Variants in LMTK2 observed in about 807,000 individuals in gnomAD.
LMTK2 encodes serine/threonine-protein kinase LMTK2.
LMTK2 carries 37 observed loss-of-function variants against 127.5 expected under a neutral mutation model. That is an observed-to-expected ratio of 0.29 (90% CI 0.22 to 0.38). The LOEUF (loss-of-function observed/expected upper bound fraction) is 0.38. LMTK2 is among the 10% of genes least tolerant of loss of function. LMTK2 has a pLI of 1.00. For synonymous variants in LMTK2, 819 were observed against 810.1 expected, an observed-to-expected ratio of 1.01 and a Z score of -0.19; for missense variants, 1,694 against 1,920.3, an observed-to-expected ratio of 0.88 and a Z score of 2.20.
chr7:98,130,088 G>A (rs1453264637), intron 1 of LMTK2, among the ~76,000 whole-genome samples: 2 of 152,092 alleles, frequency 1.3e-5, no homozygotes, highest in Non-Finnish European at 2.9e-5. Context: ...TCATGTTAGC[G>A]TCTCTGGGTG....
At chr7:98,139,195 T>C (rs750568195) in intron 2 of LMTK2, among the ~76,000 whole-genome samples, 3 of 152,136 alleles carry the variant, frequency 2.0e-5, no homozygotes, top group Non-Finnish European at 2.9e-5. Context: ...CACTACAGCC[T>C]CAACCTCCCA....
intron 6 of LMTK2, among the ~76,000 whole-genome samples, chr7:98,166,255 C>T (rs1202879689): frequency 1.3e-5 from 2 of 152,232 alleles, no homozygotes; most frequent in African/African-American, 2.4e-5. Context: ...GACAGGTCAT[C>T]GCTGCTTATA....
intron 7 of LMTK2, among the ~76,000 whole-genome samples, chr7:98,179,289 A>G (rs1379235865): frequency 6.6e-6 from 1 of 152,232 alleles, no homozygotes; most frequent in Non-Finnish European, 1.5e-5. Context: ...CCTGAGCTCG[A>G]CATCGCCCAA....
At chr7:98,122,114 C>A (rs561980950) in intron 1 of LMTK2, among the ~76,000 whole-genome samples, 1 of 152,272 alleles carries the variant, frequency 6.6e-6, no homozygotes, top group South Asian at 2.1e-4. Flanking sequence ...GAAGTGTAAT[C>A]ATAAACTTGT....
intron 11 of LMTK2, among the ~76,000 whole-genome samples, chr7:98,196,681 CTT>C (rs1797626995): frequency 6.6e-6 from 1 of 152,130 alleles, no homozygotes; most frequent in East Asian, 1.9e-4. Flanking sequence ...TTGCACAAGT[CTT>C]TGTGGAGGAT....
At position 98,193,692 on chromosome 7, in the gene LMTK2, C is replaced by G; in HGVS notation, c.3227C>G (p.Ser1076Ter). Reference protein sequence around the residue: ...GLPPNPVIVISDAGDGHRGTE... With the variant: ...GLPPNPVIVI ...CCTCCCAACCCGGTCATTGTCATCT[C>G]AGATGCCGGCGATGGTCACAGAGGC... The change falls in exon 11 of 14, where the codon TCA becomes TGA. Residue 1076 changes from serine (S) to a stop codon, truncating the protein, a stop_gained. Transcript: ENST00000297293. LOFTEE classifies it high-confidence loss of function. The surrounding 1 kb of genome is among the most constrained non-coding windows in gnomAD (Gnocchi z 4.1). 6.2e-7 allele frequency: 1 copy of G among 1,613,878 alleles called. No individual in the cohort carries two copies. The highest frequency in any genetic ancestry group is 8.5e-7 in the Non-Finnish European group (1 of 1,179,998).
At chr7:98,178,004 G>A (rs10250231) in intron 7 of LMTK2, among the ~76,000 whole-genome samples, 9,125 of 152,204 alleles carry the variant, frequency 0.06, 670 homozygotes, top group East Asian at 0.36. Context: ...ACGAGCAGAG[G>A]GAGGCTTTGG....
At chr7:98,180,115 G>T (rs945984717) in intron 7 of LMTK2, among the ~76,000 whole-genome samples, 1 of 152,166 alleles carries the variant, frequency 6.6e-6, no homozygotes. Flanking sequence ...AGTATTTTTT[G>T]AATATTAGCC....
At position 98,171,924 on chromosome 7, in the gene LMTK2, G is replaced by T. The variant is rs2116425280; in HGVS notation, c.791+250G>T. 6.6e-6 allele frequency among the ~76,000 whole-genome samples: 1 copy of T among 152,318 alleles called. No individual in the cohort carries two copies. Among genetic ancestry groups the T allele is most frequent in the East Asian group, 1.9e-4 (1 of 5,184 alleles). On this transcript the variant is annotated intron_variant, in intron 7 of 13. Transcript: ENST00000297293. This position sits in a 1 kb window ranked among gnomAD's most constrained non-coding sequence, Gnocchi z 5.1. ...AGCATTTCAAAGAATGTGAATAGTT[G>T]TACCTGCCTCAGAGTTGGGAGTAAA...
chr7:98,196,519 A>G (rs1797624329), intron 11 of LMTK2, among the ~76,000 whole-genome samples: 1 of 152,158 alleles, frequency 6.6e-6, no homozygotes, highest in Non-Finnish European at 1.5e-5. Flanking sequence ...GGAACTGTCA[A>G]CTGTGCTCGG....
At position 98,191,942 on chromosome 7, in the gene LMTK2, C is replaced by T; in HGVS notation, c.1477C>T (p.His493Tyr). ...CCACTTTGACGAGCGCAGCCGGGGC[C>T]ACCTGGACGAAGGCTTGTCCTACAC... The part of the protein sequence containing the change: ...HDHFDERSRG[H>Y]LDEGLSYTSI... Residue 493 changes from histidine (H) to tyrosine (Y), a missense_variant, in exon 11 of 14, where the codon CAC becomes TAC. His to Tyr is a moderately conservative substitution (Grantham distance 83). Coordinates refer to ENST00000297293, the MANE Select transcript of LMTK2 (RefSeq NM_014916.4). 2 of 1,614,116 alleles carry T rather than the reference C, an allele frequency of 1.2e-6. No individual in the cohort carries two copies. The highest frequency in any genetic ancestry group is 1.7e-6 in the Non-Finnish European group (2 of 1,180,012).
rs1797527544 is a variant in LMTK2 at position 98,191,728 on chromosome 7, C to T, written c.1263C>T (p.Asp421=). 2 of 1,614,176 alleles carry T rather than the reference C, an allele frequency of 1.2e-6. No homozygotes were observed. Among genetic ancestry groups the T allele is most frequent in the East Asian group, 4.5e-5 (2 of 44,876 alleles). ...RLQSQRDSEV[D]FEQQWNALKP... is the part of the protein sequence containing the mutation. The stretch of plus-strand genomic sequence containing the variant: ...AGAGCCAGCGGGACTCAGAGGTCGA[C>T]TTTGAACAGCAGTGGAACGCTCTGA... Residue 421 remains aspartate (D), a synonymous_variant, in exon 11 of 14, where the codon GAC becomes GAT. Transcript: ENST00000297293.
intron 1 of LMTK2, among the ~76,000 whole-genome samples, chr7:98,136,100 G>C (rs1287112070): frequency 6.6e-6 from 1 of 152,134 alleles, no homozygotes; most frequent in Non-Finnish European, 1.5e-5. Flanking sequence ...TGGAGAAAAA[G>C]GGAAGGATGG....
At chr7:98,109,878 G>GA (rs1307492126) in intron 1 of LMTK2, among the ~76,000 whole-genome samples, 52 of 151,854 alleles carry the variant, frequency 3.4e-4, no homozygotes, top group African/African-American at 1.1e-3. Context: ...ATTAGACCAA[G>GA]TTTAAAAAAA....
intron 1 of LMTK2, among the ~76,000 whole-genome samples, chr7:98,109,231 T>A (rs1410380818): frequency 6.6e-6 from 1 of 152,176 alleles, no homozygotes; most frequent in African/African-American, 2.4e-5. Flanking sequence ...ATAAAATGAA[T>A]TTTGTTGGGG....
intron 1 of LMTK2, among the ~76,000 whole-genome samples, chr7:98,120,796 A>G (rs919488982): frequency 6.6e-6 from 1 of 152,114 alleles, no homozygotes; most frequent in Non-Finnish European, 1.5e-5. Context: ...TGTTATTAAA[A>G]TGCAACACCC....
At chr7:98,130,940 TCTG>T (rs942771393) in intron 1 of LMTK2, among the ~76,000 whole-genome samples, 8 of 152,362 alleles carry the variant, frequency 5.3e-5, no homozygotes, top group Admixed American at 5.2e-4. Flanking sequence ...AATTATGATA[TCTG>T]CTTTCTTCCA....
In LMTK2 at chr7:98,205,632, C is replaced by T; in HGVS notation, c.*140C>T. 5 of 915,226 alleles carry T rather than the reference C, an allele frequency of 5.5e-6. No homozygotes were observed. Among genetic ancestry groups the T allele is most frequent in the Admixed American group, 2.1e-5 (1 of 46,678 alleles). The allele number at this position is 915,226 out of a possible 1,614,324, so 56.7% of individuals were successfully genotyped here. A position where few individuals can be genotyped will look rare whatever the true frequency, so the allele number is the denominator to read the frequency against. ...AAGAATCCAGAGGTGAAGAGGGAGA[C>T]GGCTCTTAGCTGCGTTCAAGGCGGG... is the stretch of plus-strand genomic sequence containing the variant. On this transcript the variant is annotated 3_prime_UTR_variant, in exon 14 of 14. Transcript: ENST00000297293.
intron 3 of LMTK2, among the ~76,000 whole-genome samples, chr7:98,144,274 C>CA (rs969613553): frequency 4.0e-5 from 6 of 149,908 alleles, no homozygotes; most frequent in African/African-American, 9.8e-5. Context: ...ACTAAAAATA[C>CA]AAAAAAAAAT....
Sources: allele counts gnomAD v4.1 joint callset (sites outside exome capture counted in the v4.1 genomes callset), GRCh38; gene constraint gnomAD v4.1.1; non-coding constraint Gnocchi (gnomAD v3.1); transcripts MANE v1.5; gene names NCBI Gene and HGNC (gene_info 2026-07-23, HGNC 2026-07-21).